Variants in FLI1 observed in about 807,000 individuals in gnomAD.
The protein encoded by FLI1 is Friend leukemia integration 1 transcription factor.
A neutral mutation model predicts 53.1 loss-of-function variants in FLI1; 13 were observed. That is an observed-to-expected ratio of 0.24 (90% confidence interval 0.16 to 0.39). FLI1 has a LOEUF of 0.39. FLI1 is among the 10% of genes least tolerant of loss of function. The pLI is 1.00. For missense variants in FLI1, 424 were observed against 600.5 expected (o/e 0.71, Z 3.07); for synonymous variants, 244 against 236.7 (o/e 1.03, Z -0.28).
chr11:128,792,456 G>A (rs1443919131), intron 5 of FLI1, among the ~76,000 whole-genome samples: 2 of 152,172 alleles, frequency 1.3e-5, no homozygotes, highest in South Asian at 2.1e-4. Flanking sequence ...TTGTTTGCCG[G>A]GTGGGATGGG....
chr11:128,700,609 C>G (rs912851301), intron 1 of FLI1, among the ~76,000 whole-genome samples: 5 of 152,162 alleles, frequency 3.3e-5, no homozygotes, highest in Non-Finnish European at 5.9e-5. Context: ...TATGGTGGCT[C>G]ATGCCTGTAA....
At chr11:128,772,079 T>G (rs80329415) in intron 3 of FLI1, among the ~76,000 whole-genome samples, 1 of 86,440 alleles carries the variant, frequency 1.2e-5, no homozygotes, top group East Asian at 3.6e-4. Flanking sequence ...CACACACACA[T>G]ACACACACTG....
chr11:128,727,438 T>C (rs1216813809), intron 1 of FLI1, among the ~76,000 whole-genome samples: 1 of 152,190 alleles, frequency 6.6e-6, no homozygotes, highest in Non-Finnish European at 1.5e-5. Flanking sequence ...TTGGGTGGTC[T>C]AGATGCTGAT....
At chr11:128,748,312 C>A in intron 1 of FLI1, 1 of 955,466 alleles carries the variant, frequency 1.0e-6, no homozygotes, top group Non-Finnish European at 1.2e-6. Context: ...GGGAAAGGCA[C>A]TTGGGAGGGG....
At chr11:128,807,119 C>A (rs372766245) in intron 6 of FLI1, 61 bp from the exon 7 acceptor site, 3 of 1,036,638 alleles carry the variant, frequency 2.9e-6, no homozygotes, top group Non-Finnish European at 4.2e-6. Flanking sequence ...TCTGTCAAGA[C>A]GTCTTGCTCC....
At chr11:128,743,726 A>T (rs754010698) in intron 1 of FLI1, among the ~76,000 whole-genome samples, 1 of 145,218 alleles carries the variant, frequency 6.9e-6, no homozygotes, top group Admixed American at 7.6e-5. Flanking sequence ...ACCAGTCCCA[A>T]GCCCCCAGGA....
intron 2 of FLI1, 140 bp from the exon 3 acceptor site, chr11:128,767,978 T>C: frequency 1.6e-6 from 1 of 633,786 alleles, no homozygotes; most frequent in Non-Finnish European, 2.6e-6. Context: ...AAAGAGGGCA[T>C]CATCATCATC....
chr11:128,742,355 T>G (rs667024), intron 1 of FLI1, among the ~76,000 whole-genome samples: 119,890 of 152,210 alleles, frequency 0.79, 48,004 homozygotes, highest in East Asian at 0.96. Flanking sequence ...TTTGCTAAAT[T>G]AATGAATGCA....
intron 5 of FLI1, among the ~76,000 whole-genome samples, chr11:128,795,098 G>A (rs1390203190): frequency 6.6e-6 from 1 of 152,144 alleles, no homozygotes; most frequent in Non-Finnish European, 1.5e-5. Flanking sequence ...TTAAACAGAG[G>A]CTTAACATGC....
chr11:128,686,757 G>A (rs1414564930), intron 1 of FLI1: 1 of 302,174 alleles, frequency 3.3e-6, no homozygotes, highest in African/African-American at 2.2e-5. Context: ...TACCCCACCC[G>A]GGCCTATGGT....
At chr11:128,722,338 G>C (rs967298955) in intron 1 of FLI1, among the ~76,000 whole-genome samples, 1 of 152,176 alleles carries the variant, frequency 6.6e-6, no homozygotes, top group South Asian at 2.1e-4. Context: ...GATGCTTCTC[G>C]GAGAAGGGAG....
rs1270483080 is a variant in FLI1, at chr11:128,812,444, G to A, written c.*1456G>A. 12 of 224,664 alleles carry A rather than the reference G, an allele frequency of 5.3e-5. No homozygotes were observed. The South Asian group carries it at 5.5e-4, about 10-fold the overall frequency. The allele number at this position is 224,664 out of a possible 1,614,324, so 13.9% of individuals were successfully genotyped here. ...GCTGAGGACAGTTTTCTTATTTACC[G>A]CCCCCGTTAGGTCAAAGGGTTTTCC... On this transcript the variant is annotated 3_prime_UTR_variant, in exon 9 of 9. Coordinates refer to ENST00000527786, the MANE Select transcript of FLI1 (RefSeq NM_002017.5).
intron 1 of FLI1, among the ~76,000 whole-genome samples, chr11:128,710,131 G>A (rs1467560061): frequency 6.6e-6 from 1 of 152,152 alleles, no homozygotes; most frequent in Admixed American, 6.5e-5. Flanking sequence ...TTTTAGGAAA[G>A]GTCATATTGC....
chr11:128,744,131 G>A (rs1358553158), intron 1 of FLI1, among the ~76,000 whole-genome samples: 1 of 152,226 alleles, frequency 6.6e-6, no homozygotes, highest in Non-Finnish European at 1.5e-5. Flanking sequence ...AATCAATGGG[G>A]CCATGAAGCT....
intron 1 of FLI1, among the ~76,000 whole-genome samples, chr11:128,752,307 C>G (rs1940681866): frequency 6.6e-6 from 1 of 152,214 alleles, no homozygotes; most frequent in Non-Finnish European, 1.5e-5. Context: ...GTCCCAAGAA[C>G]TTCAGGTGCT....
At chr11:128,725,899 A>G (rs1939455391) in intron 1 of FLI1, among the ~76,000 whole-genome samples, 1 of 152,122 alleles carries the variant, frequency 6.6e-6, no homozygotes, top group Non-Finnish European at 1.5e-5. Context: ...AGTGAGGAGG[A>G]ATTCAAATGT....
chr11:128,703,560 T>C (rs572638593), intron 1 of FLI1, among the ~76,000 whole-genome samples: 7 of 152,074 alleles, frequency 4.6e-5, no homozygotes, highest in East Asian at 3.8e-4. Flanking sequence ...TTCCAAAATA[T>C]TGGGCCGGGC....
intron 1 of FLI1, among the ~76,000 whole-genome samples, chr11:128,688,816 C>G (rs565144428): frequency 2.6e-5 from 4 of 152,164 alleles, no homozygotes; most frequent in East Asian, 1.9e-4. Context: ...ATAACCGCAA[C>G]GACATTCATA....
chr11:128,748,866 C>T (rs1056271313), intron 1 of FLI1, among the ~76,000 whole-genome samples: 3 of 152,092 alleles, frequency 2.0e-5, no homozygotes, highest in Admixed American at 1.3e-4. Flanking sequence ...TATGAGGATC[C>T]TAACTCATAT....
Sources: allele counts gnomAD v4.1 joint callset (sites outside exome capture counted in the v4.1 genomes callset), GRCh38; gene constraint gnomAD v4.1.1; transcripts MANE v1.5; gene names NCBI Gene and HGNC (gene_info 2026-07-23, HGNC 2026-07-21).